Variants in PRR16 observed in about 807,000 individuals in gnomAD.
The protein encoded by PRR16 is proline rich 16.
A neutral mutation model predicts 18.2 loss-of-function variants in PRR16; 6 were observed. The ratio of observed to expected loss-of-function variants is 0.33; its 90% CI spans 0.18 to 0.65. The LOEUF (loss-of-function observed/expected upper bound fraction) is 0.65, where lower values mean the gene tolerates loss of function less well. Ranked by LOEUF, PRR16 falls within the 30% of genes least tolerant of loss-of-function variation. PRR16 has a pLI of 0.74. For missense variants in PRR16, 412 were observed against 376.6 expected (o/e 1.09, Z -0.78); for synonymous variants, 151 against 147.8 (o/e 1.02, Z -0.16).
intron 1 of PRR16, among the ~76,000 whole-genome samples, chr5:120,638,085 A>C (rs898910812): frequency 3.3e-5 from 5 of 152,132 alleles, no homozygotes; most frequent in Non-Finnish European, 5.9e-5. Context: ...TATATATCTT[A>C]TACAAATAGC....
At chr5:120,551,225 A>G (rs1019922886) in intron 1 of PRR16, among the ~76,000 whole-genome samples, 1 of 151,914 alleles carries the variant, frequency 6.6e-6, no homozygotes, top group Non-Finnish European at 1.5e-5. Context: ...TGTGAGTTCT[A>G]CTTTTTAAAA....
chr5:120,629,643 T>G (rs970034107), intron 1 of PRR16, among the ~76,000 whole-genome samples: 1 of 152,200 alleles, frequency 6.6e-6, no homozygotes, highest in Non-Finnish European at 1.5e-5. Flanking sequence ...TCCAATTTCT[T>G]GGCTCGCTAT....
At chr5:120,630,795 C>T (rs1430623493) in intron 1 of PRR16, among the ~76,000 whole-genome samples, 1 of 152,158 alleles carries the variant, frequency 6.6e-6, no homozygotes, top group South Asian at 2.1e-4. Flanking sequence ...TCCTCCCCAA[C>T]AAAGGTTTAT....
At chr5:120,669,527 A>T (rs142791788) in intron 1 of PRR16, among the ~76,000 whole-genome samples, 2 of 152,250 alleles carry the variant, frequency 1.3e-5, no homozygotes, top group East Asian at 1.9e-4. Flanking sequence ...TTTAGATATT[A>T]TCCTCTAGTT....
the PRR16 span, among the ~76,000 whole-genome samples, chr5:120,792,832 A>C: frequency 3.3e-5 from 5 of 152,170 alleles, no homozygotes; most frequent in Non-Finnish European, 7.4e-5. Context: ...TTAACAAAAA[A>C]ATTACAATAT....
intron 1 of PRR16, among the ~76,000 whole-genome samples, chr5:120,551,712 A>G (rs1328995466): frequency 6.6e-6 from 1 of 151,998 alleles, no homozygotes; most frequent in Non-Finnish European, 1.5e-5. Context: ...CATGCTGAAG[A>G]GAAACTGCTG....
the PRR16 span, among the ~76,000 whole-genome samples, chr5:120,694,060 T>A: frequency 6.6e-6 from 1 of 152,186 alleles, no homozygotes; most frequent in East Asian, 1.9e-4. Context: ...CCTGCCAACA[T>A]GTTGTTATGA....
chr5:120,499,408 C>T (rs1036191689), intron 1 of PRR16, among the ~76,000 whole-genome samples: 1 of 152,004 alleles, frequency 6.6e-6, no homozygotes, highest in African/African-American at 2.4e-5. Context: ...GATTATGGTC[C>T]ATGGATTCCC....
intron 1 of PRR16, among the ~76,000 whole-genome samples, chr5:120,552,573 G>A (rs1055766764): frequency 9.2e-5 from 14 of 151,848 alleles, no homozygotes; most frequent in African/African-American, 2.9e-4. Context: ...TGAAAAAACT[G>A]ACGTAGTTGT....
chr5:120,742,862 A>G, the PRR16 span, among the ~76,000 whole-genome samples: 1 of 152,108 alleles, frequency 6.6e-6, no homozygotes, highest in Non-Finnish European at 1.5e-5. Flanking sequence ...GCCCTTTTCA[A>G]CTTCTAGAGG....
chr5:120,772,416 T>C, the PRR16 span, among the ~76,000 whole-genome samples: 3 of 152,090 alleles, frequency 2.0e-5, no homozygotes, highest in East Asian at 1.9e-4. Context: ...ACCTGACATA[T>C]AGAATGCATA....
intron 1 of PRR16, among the ~76,000 whole-genome samples, chr5:120,662,900 T>C (rs1009703011): frequency 6.6e-6 from 1 of 152,150 alleles, no homozygotes; most frequent in African/African-American, 2.4e-5. Flanking sequence ...TTGTACTTAT[T>C]GTAGAATAAG....
In PRR16 at chr5:120,522,818, G is replaced by A. The variant is rs917734316; in HGVS notation, c.159+58173G>A. On this transcript the variant is annotated intron_variant, in intron 1 of 1. Coordinates refer to ENST00000407149, the MANE Select transcript of PRR16 (RefSeq NM_001300783.2). ...TTTTTAGTAGAGGCAGGGTTTCACCGTGTTAGACAGGATGGTCTCGATCTC... is the reference window on the plus strand; with the variant it reads ...TTTTTAGTAGAGGCAGGGTTTCACCATGTTAGACAGGATGGTCTCGATCTC... Among the ~76,000 whole-genome samples the A allele has an allele frequency of 2.0e-5, 3 of 151,868 alleles. 1 individual carries two copies. Among genetic ancestry groups the A allele is most frequent in the Non-Finnish European group, 4.4e-5 (3 of 67,980 alleles).
chr5:120,596,700 G>A (rs572685127), intron 1 of PRR16, among the ~76,000 whole-genome samples: 6 of 151,312 alleles, frequency 4.0e-5, no homozygotes, highest in Admixed American at 1.3e-4. Flanking sequence ...TCTTCTCTTC[G>A]TTCTCCCTTT....
intron 1 of PRR16, among the ~76,000 whole-genome samples, chr5:120,509,231 C>G (rs1018212431): frequency 6.6e-6 from 1 of 152,072 alleles, no homozygotes; most frequent in Non-Finnish European, 1.5e-5. Context: ...TTTATAAGCA[C>G]CACAGGCCCT....
At chr5:120,749,891 C>T in the PRR16 span, among the ~76,000 whole-genome samples, 228 of 152,154 alleles carry the variant, frequency 1.5e-3, 3 homozygotes, top group African/African-American at 5.2e-3. Flanking sequence ...TCAAATCAAA[C>T]TTTCTTCTGT....
At chr5:120,754,186 A>AT in the PRR16 span, among the ~76,000 whole-genome samples, 1 of 103,838 alleles carries the variant, frequency 9.6e-6, no homozygotes, top group African/African-American at 3.5e-5. Context: ...TAAATATATA[A>AT]TATATAATTA....
intron 1 of PRR16, among the ~76,000 whole-genome samples, chr5:120,488,757 A>G (rs1383550385): frequency 6.6e-6 from 1 of 151,490 alleles, no homozygotes; most frequent in Non-Finnish European, 1.5e-5. Context: ...TCATTTTTAG[A>G]TCTTTCCTGC....
intron 1 of PRR16, 106 bp downstream of exon 1, chr5:120,464,751 C>A: frequency 1.6e-6 from 2 of 1,278,552 alleles, no homozygotes; most frequent in Non-Finnish European, 2.1e-6. Context: ...TCCTGGGAAA[C>A]TACAGAAAAG....
Sources: allele counts gnomAD v4.1 joint callset (sites outside exome capture counted in the v4.1 genomes callset), GRCh38; gene constraint gnomAD v4.1.1; transcripts MANE v1.5; gene names NCBI Gene and HGNC (gene_info 2026-07-23, HGNC 2026-07-21).